Variants in SESN2 observed in about 807,000 individuals in gnomAD.
SESN2 encodes sestrin 2.
SESN2 carries 42 observed loss-of-function variants against 56.0 expected under a neutral mutation model. That is an observed-to-expected ratio of 0.75 (90% CI 0.59 to 0.97). The LOEUF (loss-of-function observed/expected upper bound fraction) is 0.97, where lower values mean the gene tolerates loss of function less well. Among genes scored for constraint, SESN2 ranks in the 50% least tolerant of loss-of-function variants. SESN2 has a pLI of 0.00. For missense variants in SESN2, 507 were observed against 649.4 expected (o/e 0.78, Z 2.38); for synonymous variants, 264 against 267.1 (o/e 0.99, Z 0.11).
intron 1 of SESN2, among the ~76,000 whole-genome samples, chr1:28,260,715 G>T (rs1188718064): frequency 1.8e-5 from 1 of 56,268 alleles, no homozygotes; most frequent in African/African-American, 7.1e-5. Context: ...CCACCCCCCC[G>T]CATTCGCATC....
Position 28,262,895 on chromosome 1 carries a change from T to C in SESN2, c.90+2958T>C, listed in dbSNP as rs112484603. 8.1e-3 allele frequency among the ~76,000 whole-genome samples: 1,238 copies of C among 152,312 alleles called. 9 individuals carry two copies. The highest frequency in any genetic ancestry group is 0.026 in the South Asian group (125 of 4,826). On this transcript the variant is annotated intron_variant, in intron 1 of 9. Coordinates refer to ENST00000253063, the MANE Select transcript of SESN2 (RefSeq NM_031459.5). Reference sequence around the variant, plus strand: ...GTGAGCCGAGATCGCTTCACTGTACTCCAGCCTGGGTGACAGAGTGAGACT... The same window carrying C: ...GTGAGCCGAGATCGCTTCACTGTACCCCAGCCTGGGTGACAGAGTGAGACT...
intron 1 of SESN2, among the ~76,000 whole-genome samples, chr1:28,262,112 G>A (rs74691619): frequency 4.6e-5 from 7 of 152,018 alleles, no homozygotes; most frequent in East Asian, 1.9e-4. Context: ...TTCCTCTCTC[G>A]AGAAAAGAGG....
At chr1:28,271,611 A>C (rs1647777486) in intron 2 of SESN2, 63 bp from the exon 3 acceptor site, 2 of 1,320,090 alleles carry the variant, frequency 1.5e-6, no homozygotes, top group Non-Finnish European at 2.2e-6. Flanking sequence ...GGAAGAATAC[A>C]TTGGTCTCTT....
chr1:28,259,529 C>G lies in SESN2; in HGVS notation c.-319C>G, dbSNP rs554735257. The G allele has an allele frequency of 3.5e-5, 10 of 287,040 alleles. No homozygotes were observed. In the South Asian group the frequency reaches 1.5e-3, roughly 42 times the overall value. 17.8% of individuals were successfully genotyped at this position (287,040 alleles called of 1,614,324 possible). A position where few individuals can be genotyped will look rare whatever the true frequency, so the allele number is the denominator to read the frequency against. On this transcript the variant is annotated 5_prime_UTR_variant, in exon 1 of 10. Coordinates refer to ENST00000253063, the MANE Select transcript of SESN2 (RefSeq NM_031459.5). ...AGAGCCCGGCGAGCGCTGGCAGTTC[C>G]GCGGCGGGGATGCTGAGGAGCGCTG...
chr1:28,272,255 G>T, intron 3 of SESN2, 29 bp from the exon 4 acceptor site: 1 of 1,608,442 alleles, frequency 6.2e-7, no homozygotes, highest in South Asian at 1.1e-5. Flanking sequence ...GGAGGAGGGT[G>T]ACTCAGGCTG....
chr1:28,268,881 C>T (rs1647656396), intron 1 of SESN2, among the ~76,000 whole-genome samples: 1 of 152,154 alleles, frequency 6.6e-6, no homozygotes, highest in African/African-American at 2.4e-5. Context: ...AAGGTGGCCT[C>T]CTGGAGATGT....
rs12118387 is a variant in SESN2 at position 28,276,989 on chromosome 1, C to T, written c.1211+1974C>T. ...TGGCTCAATCTCTGCTCACTGCAAC[C>T]TCCGCCTCCCAGGTTCAAGCAATTC... On this transcript the variant is annotated intron_variant, in intron 8 of 9. Transcript: ENST00000253063. Among the ~76,000 whole-genome samples, 911 of 151,866 alleles carry T rather than the reference C, an allele frequency of 6.0e-3. 7 individuals are homozygous for T. The highest frequency in any genetic ancestry group is 0.019 in the Admixed American group (284 of 15,226).
rs768313422 is a variant in SESN2, at chr1:28,259,749, C to G, written c.-99C>G. 4.3e-6 allele frequency: 4 copies of G among 928,642 alleles called. No individual in the cohort carries two copies. In the African/African-American group the frequency reaches 7.0e-5, roughly 16 times the overall value. The allele number at this position is 928,642 out of a possible 1,614,324, so 57.5% of individuals were successfully genotyped here. A position where few individuals can be genotyped will look rare whatever the true frequency, so the allele number is the denominator to read the frequency against. On this transcript the variant is annotated 5_prime_UTR_variant, in exon 1 of 10. Coordinates refer to ENST00000253063, the MANE Select transcript of SESN2 (RefSeq NM_031459.5). ...AGACGCCCCGGGGTTCTAGAAGCTC[C>G]CCGGCGGCGCCCAGTCCCGGCTTCA...
rs1016997137 is a variant in SESN2 at position 28,274,123 on chromosome 1, A to G, written c.985A>G (p.Arg329Gly). Residue 329 changes from arginine to glycine, a missense_variant, in exon 7 of 10, where the codon AGA becomes GGA. Coordinates refer to ENST00000253063, the MANE Select transcript of SESN2 (RefSeq NM_031459.5). Reference protein sequence around the residue: ...PTFGYEDFTRRGAQAPPTFRA... With the variant: ...PTFGYEDFTRGGAQAPPTFRA... ...TTTCGGATATGAGGACTTCACTCGG[A>G]GAGGGGCTCAGGCACCCCCTACCTT... 3 of 1,613,982 alleles carry G rather than the reference A, an allele frequency of 1.9e-6. No individual in the cohort carries two copies. Among genetic ancestry groups the G allele is most frequent in the Non-Finnish European group, 1.7e-6 (2 of 1,179,850 alleles).
chr1:28,272,418 C>T lies in SESN2; in HGVS notation c.489C>T (p.Asn163=). The T allele has an allele frequency of 6.2e-7, 1 of 1,613,540 alleles. No individual in the cohort carries two copies. Among genetic ancestry groups the T allele is most frequent in the Non-Finnish European group, 8.5e-7 (1 of 1,180,034 alleles). The change falls in exon 4 of 10, where the codon AAC becomes AAT. Residue 163 remains asparagine, a synonymous_variant. Coordinates refer to ENST00000253063, the MANE Select transcript of SESN2 (RefSeq NM_031459.5). ...AGCTGCGCAAACTCAGCGAGATCAA[C>T]AAGTTGCTGGCGCATCGGCCATGGC... ...PEKLRKLSEI[N]KLLAHRPWLI... is the part of the protein sequence containing the mutation.
At chr1:28,266,041 C>CT (rs1280405759) in intron 1 of SESN2, among the ~76,000 whole-genome samples, 1 of 152,180 alleles carries the variant, frequency 6.6e-6, no homozygotes, top group Non-Finnish European at 1.5e-5. Flanking sequence ...AGGGCTTTGT[C>CT]TTTTCACTGC....
intron 1 of SESN2, among the ~76,000 whole-genome samples, chr1:28,265,091 G>T (rs1267632991): frequency 6.6e-6 from 1 of 152,082 alleles, no homozygotes; most frequent in African/African-American, 2.4e-5. Context: ...GGAAGCCCTA[G>T]TAGTAGCTTC....
rs1002993055 is a variant in SESN2 at position 28,266,701 on chromosome 1, A to T, written c.91-2482A>T. Among the ~76,000 whole-genome samples the T allele has an allele frequency of 2.0e-5, 3 of 151,796 alleles. No homozygotes were observed. In the South Asian group the frequency reaches 6.2e-4, roughly 32 times the overall value. ...CAGCCTCCTGAGTAGCTGGGACTACAGGTTGTGTGCTACCATGCCCAGCTA... is the reference window on the plus strand; with the variant it reads ...CAGCCTCCTGAGTAGCTGGGACTACTGGTTGTGTGCTACCATGCCCAGCTA... On this transcript the variant is annotated intron_variant, in intron 1 of 9. Transcript: ENST00000253063.
intron 8 of SESN2, among the ~76,000 whole-genome samples, chr1:28,278,118 C>T (rs1343684594): frequency 1.1e-4 from 16 of 152,334 alleles, no homozygotes; most frequent in Non-Finnish European, 4.4e-5. Flanking sequence ...AGTTAGTCAT[C>T]TTCTCCAGGG....
At chr1:28,262,656 C>T (rs1017433267) in intron 1 of SESN2, among the ~76,000 whole-genome samples, 5 of 139,992 alleles carry the variant, frequency 3.6e-5, no homozygotes, top group Admixed American at 7.3e-5. Flanking sequence ...AGGCTGGGCG[C>T]GGTGGCTCGC....
intron 3 of SESN2, 121 bp downstream of exon 3, chr1:28,271,992 A>G: frequency 9.9e-7 from 1 of 1,013,612 alleles, no homozygotes. Context: ...CCCTGGCTTT[A>G]TCTAACTGTA....
intron 1 of SESN2, among the ~76,000 whole-genome samples, chr1:28,262,494 G>A (rs1283642105): frequency 6.6e-6 from 1 of 151,744 alleles, no homozygotes; most frequent in African/African-American, 2.4e-5. Flanking sequence ...AGCCAGGCGT[G>A]GTGGTGTGCG....
Position 28,272,706 on chromosome 1 carries a change from T to G in SESN2, c.663T>G (p.Asp221Glu). The change falls in exon 5 of 10, where the codon GAT (aspartate) becomes GAG (glutamate). Residue 221 changes from aspartate to glutamate, a missense_variant. Transcript: ENST00000253063. Reference protein sequence around the residue: ...VFGCGILPEGDADGSPAPQAP... With the variant: ...VFGCGILPEGEADGSPAPQAP... ...GCTGTGGCATCCTCCCTGAGGGGGATGCAGATGGCAGCCCTGCCCCCCAGG... is the reference window on the plus strand; with the variant it reads ...GCTGTGGCATCCTCCCTGAGGGGGAGGCAGATGGCAGCCCTGCCCCCCAGG... 5 of 1,613,464 alleles carry G rather than the reference T, an allele frequency of 3.1e-6. No individual in the cohort carries two copies. The highest frequency in any genetic ancestry group is 4.2e-6 in the Non-Finnish European group (5 of 1,179,414).
At chr1:28,277,416 A>T (rs1460656366) in intron 8 of SESN2, among the ~76,000 whole-genome samples, 2 of 152,040 alleles carry the variant, frequency 1.3e-5, no homozygotes, top group Non-Finnish European at 2.9e-5. Context: ...GTGTTTCACC[A>T]TGTTGGACAG....
Sources: gnomAD v4.1 joint callset for allele counts (sites outside exome capture counted in the v4.1 genomes callset) on GRCh38, gnomAD v4.1.1 for gene constraint, MANE v1.5 for transcripts, NCBI Gene and HGNC (gene_info 2026-07-23, HGNC 2026-07-21) for gene names.